The following CYP24A1 variants were observed in gnomAD, a reference collection of about 807,000 sequenced individuals.
CYP24A1 encodes 1,25-dihydroxyvitamin D(3) 24-hydroxylase, mitochondrial.
CYP24A1 carries 68 observed loss-of-function variants against 62.4 expected under a neutral mutation model. The observed-to-expected ratio is 1.09, with a 90% confidence interval of 0.90 to 1.33. The LOEUF (loss-of-function observed/expected upper bound fraction) is 1.33, where lower values mean the gene tolerates loss of function less well. CYP24A1 is among the 40% of genes most tolerant of loss of function. The pLI is 0.00. For missense variants in CYP24A1, 787 were observed against 653.0 expected, an observed-to-expected ratio of 1.21 and a Z score of -2.24; for synonymous variants, 267 against 253.0, an observed-to-expected ratio of 1.06 and a Z score of -0.52.
the CYP24A1 span, among the ~76,000 whole-genome samples, chr20:54,148,054 C>T: frequency 6.6e-6 from 1 of 152,054 alleles, no homozygotes; most frequent in Non-Finnish European, 1.5e-5. Context: ...CAGGCTGGTC[C>T]CGAACTCTCG....
Position 54,165,823 on chromosome 20 carries a change from G to A in CYP24A1, c.651C>T (p.Leu217=), listed in dbSNP as rs951681001. 5 of 1,399,224 alleles carry A rather than the reference G, an allele frequency of 3.6e-6. No homozygotes were observed. The highest frequency in any genetic ancestry group is 2.3e-5 in the East Asian group (1 of 43,944). The allele number at this position is 1,399,224 out of a possible 1,614,324, so 86.7% of individuals were successfully genotyped here. ...GCCCAAATCTCTTCTCATACAACAC[G>A]AGGCAGATACCTGTCATTTAAAATA... ...LNKWSFESIC[L]VLYEKRFGLL... The change falls in exon 5 of 12, where the codon CTC becomes CTT. Residue 217 remains leucine, a synonymous_variant. Transcript: ENST00000216862.
chr20:54,171,326 A>G (rs1431391722), intron 3 of CYP24A1, among the ~76,000 whole-genome samples: 1 of 152,162 alleles, frequency 6.6e-6, no homozygotes, highest in Non-Finnish European at 1.5e-5. Context: ...CCAGGGCTGT[A>G]GAATACCAAA....
chr20:54,144,552 G>A, the CYP24A1 span, among the ~76,000 whole-genome samples: 1 of 151,094 alleles, frequency 6.6e-6, no homozygotes, highest in African/African-American at 2.4e-5. Context: ...ACCACACCTG[G>A]CCTTAAAATT....
chr20:54,172,960 G>C lies in CYP24A1; in HGVS notation c.398C>G (p.Pro133Arg). Residue 133 changes from proline (P) to arginine (R), a missense_variant, in exon 2 of 12, where the codon CCG becomes CGG. Transcript: ENST00000216862. The part of the protein sequence containing the change: ...SAYPQRLEIK[P>R]WKAYRDYRKE... ...GCGGTAGTCGCGATAGGCCTTCCACGGTTTGATCTCCAGCCGCTGCGGGTA... is the reference window on the plus strand; with the variant it reads ...GCGGTAGTCGCGATAGGCCTTCCACCGTTTGATCTCCAGCCGCTGCGGGTA... The C allele has an allele frequency of 6.2e-7, 1 of 1,613,640 alleles. No individual in the cohort carries two copies. Among genetic ancestry groups the C allele is most frequent in the Non-Finnish European group, 8.5e-7 (1 of 1,180,048 alleles).
chr20:54,165,677 G>A, intron 5 of CYP24A1, 65 bp downstream of exon 5: 1 of 890,760 alleles, frequency 1.1e-6, no homozygotes, highest in Non-Finnish European at 1.9e-6. Flanking sequence ...TCACTGTGAA[G>A]TTCTGTAAAA....
downstream of CYP24A1, among the ~76,000 whole-genome samples, chr20:54,153,162 T>A (rs2092615472): frequency 6.6e-6 from 1 of 152,150 alleles, no homozygotes; most frequent in Admixed American, 6.5e-5. Context: ...TCTACCCCCC[T>A]TTCAATCACA....
downstream of CYP24A1, among the ~76,000 whole-genome samples, chr20:54,149,408 T>C (rs2092609216): frequency 6.6e-6 from 1 of 152,196 alleles, no homozygotes; most frequent in Non-Finnish European, 1.5e-5. Flanking sequence ...TATTTTAGCT[T>C]TAACAAAATT....
chr20:54,150,791 A>T (rs2092611390), downstream of CYP24A1, among the ~76,000 whole-genome samples: 1 of 152,214 alleles, frequency 6.6e-6, no homozygotes. Flanking sequence ...AGATCAGAAA[A>T]TTTGAAATGT....
intron 4 of CYP24A1, among the ~76,000 whole-genome samples, chr20:54,167,392 A>T (rs1753167852): frequency 6.6e-6 from 1 of 152,224 alleles, no homozygotes; most frequent in Admixed American, 6.5e-5. Context: ...TTGTAATCCC[A>T]GCACTCTCAG....
chr20:54,171,469 C>T, intron 3 of CYP24A1, 108 bp downstream of exon 3: 7 of 1,604,468 alleles, frequency 4.4e-6, no homozygotes, highest in South Asian at 1.1e-5. Flanking sequence ...CTTTGAATCA[C>T]CCGAATTGCA....
chr20:54,161,531 G>T (rs1162639719), intron 7 of CYP24A1, among the ~76,000 whole-genome samples: 1 of 152,002 alleles, frequency 6.6e-6, no homozygotes, highest in African/African-American at 2.4e-5. Context: ...CATACAGTAG[G>T]CACTCAATAG....
the CYP24A1 span, among the ~76,000 whole-genome samples, chr20:54,145,038 A>G: frequency 6.6e-6 from 1 of 152,164 alleles, no homozygotes; most frequent in African/African-American, 2.4e-5. Flanking sequence ...CTTCAAACGA[A>G]GTTGTTTTCT....
In CYP24A1 at chr20:54,157,574, C is replaced by A; in HGVS notation, c.1248G>T (p.Met416Ile). ...TGGATCCCAACACCTGGGTATTTAGCATGAGCACTGTCTAAACACATGCAG... is the reference window on the plus strand; with the variant it reads ...TGGATCCCAACACCTGGGTATTTAGAATGAGCACTGTCTAAACACATGCAG... ...EYALPKGTVL[M>I]LNTQVLGSSE... Residue 416 changes from methionine (M) to isoleucine (I), a missense_variant, in exon 10 of 12, where the codon ATG (methionine) becomes ATT (isoleucine). Transcript: ENST00000216862. 6.3e-7 allele frequency: 1 copy of A among 1,576,294 alleles called. No homozygotes were observed. The highest frequency in any genetic ancestry group is 8.7e-7 in the Non-Finnish European group (1 of 1,145,628).
Position 54,157,433 on chromosome 20 carries a change from A to C in CYP24A1, c.1389T>G (p.Ile463Met). 6.2e-7 allele frequency: 1 copy of C among 1,607,392 alleles called. No homozygotes were observed. Among genetic ancestry groups the C allele is most frequent in the Non-Finnish European group, 8.5e-7 (1 of 1,173,768 alleles). ...GTTGAAGCTCTGCTAATCGGCGACC[A>C]ATGCACATTCTTTTTCCAACGCCAA... ...LPFGVGKRMC[I>M]GRRLAELQLH... is the part of the protein sequence containing the mutation. The change falls in exon 10 of 12, where the codon ATT becomes ATG. Residue 463 changes from isoleucine to methionine, a missense_variant. Transcript: ENST00000216862.
intron 3 of CYP24A1, 99 bp from the exon 4 acceptor site, chr20:54,169,787 A>G: frequency 1.3e-6 from 2 of 1,571,054 alleles, no homozygotes; most frequent in South Asian, 2.3e-5. Flanking sequence ...GCTACATCGC[A>G]TATTCACTGG....
At chr20:54,155,543 C>A (rs935159937) in intron 11 of CYP24A1, among the ~76,000 whole-genome samples, 3 of 151,894 alleles carry the variant, frequency 2.0e-5, no homozygotes, top group Non-Finnish European at 2.9e-5. Flanking sequence ...ACCAGTCTGG[C>A]CAACATAATG....
intron 4 of CYP24A1, among the ~76,000 whole-genome samples, chr20:54,168,850 CCTTCCTTCCTTCCTTCCTTCCTT>C (rs2092683171): frequency 3.1e-5 from 1 of 32,612 alleles, no homozygotes; most frequent in East Asian, 1.0e-3. Context: ...CTCCCTTCTT[CCTTCCTTCCTTCCTTCCTTCCTT>C]CCTTCCTTCC....
downstream of CYP24A1, among the ~76,000 whole-genome samples, chr20:54,152,291 G>A (rs972906328): frequency 4.6e-5 from 7 of 152,212 alleles, no homozygotes; most frequent in East Asian, 9.6e-4. Flanking sequence ...GAGTGTGGAA[G>A]CCCTGCTCCC....
chr20:54,157,503 C>T lies in CYP24A1; in HGVS notation c.1319G>A (p.Trp440Ter), dbSNP rs2092633477. 6.3e-7 allele frequency: 1 copy of T among 1,595,868 alleles called. No homozygotes were observed. Among genetic ancestry groups the T allele is most frequent in the Non-Finnish European group, 8.6e-7 (1 of 1,163,486 alleles). The change falls in exon 10 of 12, where the codon TGG becomes TAG. Residue 440 changes from tryptophan (W) to a stop codon, truncating the protein, a stop_gained. Coordinates refer to ENST00000216862, the MANE Select transcript of CYP24A1 (RefSeq NM_000782.5). LOFTEE classifies it high-confidence loss of function. ...ATTAATTTTTTCCTTCTCCTGAAGCCAACGTTCAGGTCTAAACTGACTTGA... is the reference window on the plus strand; with the variant it reads ...ATTAATTTTTTCCTTCTCCTGAAGCTAACGTTCAGGTCTAAACTGACTTGA... ...EDSSQFRPER[W>*]LQEKEKINPF...
Sources: gnomAD v4.1 joint callset for allele counts (sites outside exome capture counted in the v4.1 genomes callset) on GRCh38, gnomAD v4.1.1 for gene constraint, MANE v1.5 for transcripts, NCBI Gene and HGNC (gene_info 2026-07-23, HGNC 2026-07-21) for gene names.